FAM184B: variants seen among roughly 807,000 people sequenced by gnomAD.
FAM184B encodes the protein protein FAM184B.
A neutral mutation model predicts 135.9 loss-of-function variants in FAM184B; 111 were observed. The observed-to-expected ratio is 0.82, with a 90% confidence interval of 0.70 to 0.96. FAM184B has a LOEUF of 0.96. FAM184B is among the 40% of genes least tolerant of loss of function. The pLI, the probability that FAM184B is intolerant of heterozygous loss-of-function variation, is 0.00. For synonymous variants in FAM184B, 552 were observed against 524.8 expected, an observed-to-expected ratio of 1.05 and a Z score of -0.71; for missense variants, 1,375 against 1,323.9, an observed-to-expected ratio of 1.04 and a Z score of -0.60.
chr4:17,636,420 A>C, intron 15 of FAM184B, 108 bp downstream of exon 15: 1 of 848,546 alleles, frequency 1.2e-6, no homozygotes, highest in Non-Finnish European at 1.9e-6. Flanking sequence ...ATTCTTTGTA[A>C]GATATTAGGG....
At chr4:17,777,493 T>TA (rs576081967) in intron 1 of FAM184B, among the ~76,000 whole-genome samples, 22 of 152,138 alleles carry the variant, frequency 1.4e-4, no homozygotes, top group African/African-American at 4.3e-4. Context: ...CTGTAAATAT[T>TA]AAAAAAACTG....
intron 1 of FAM184B, among the ~76,000 whole-genome samples, chr4:17,750,393 A>G (rs550509777): frequency 6.6e-6 from 1 of 152,372 alleles, no homozygotes; most frequent in East Asian, 1.9e-4. Flanking sequence ...TACGCAAAAA[A>G]TGAACTAAAA....
At chr4:17,777,016 C>T (rs1718941121) in intron 1 of FAM184B, among the ~76,000 whole-genome samples, 1 of 152,182 alleles carries the variant, frequency 6.6e-6, no homozygotes, top group Non-Finnish European at 1.5e-5. Flanking sequence ...GAATTCTGCT[C>T]CTAGGTATCT....
At chr4:17,729,820 CAG>C (rs535456837) in intron 1 of FAM184B, among the ~76,000 whole-genome samples, 206 of 152,322 alleles carry the variant, frequency 1.4e-3, no homozygotes, top group African/African-American at 4.7e-3. Flanking sequence ...GGGGAAAAAA[CAG>C]AGCAGAAAAA....
At chr4:17,737,328 A>C (rs1026397679) in intron 1 of FAM184B, among the ~76,000 whole-genome samples, 6 of 152,098 alleles carry the variant, frequency 3.9e-5, no homozygotes, top group Non-Finnish European at 8.8e-5. Flanking sequence ...ATTAGGCAGA[A>C]CTGAATCTAG....
chr4:17,700,031 C>G (rs1263700069), intron 5 of FAM184B, among the ~76,000 whole-genome samples: 1 of 152,054 alleles, frequency 6.6e-6, no homozygotes, highest in Non-Finnish European at 1.5e-5. Flanking sequence ...CTACAGTAAC[C>G]ACTAGCTCTC....
rs61539641 is a variant in FAM184B, at chr4:17,721,383, C to CAAAAAAAAAAAAAAAAAAAAAAAAAAAA, written c.142-11740_142-11739insTTTTTTTTTTTTTTTTTTTTTTTTTTTT. On this transcript the variant is annotated intron_variant, in intron 1 of 17. Coordinates refer to ENST00000265018, the MANE Select transcript of FAM184B (RefSeq NM_015688.2). ...TGGGCGACAGAGAAAGATTCTGTCT[C>CAAAAAAAAAAAAAAAAAAAAAAAAAAAA]AAAAAAAAAAAAAAAAAAAAAAATC... Among the ~76,000 whole-genome samples the CAAAAAAAAAAAAAAAAAAAAAAAAAAAA allele has an allele frequency of 1.1e-4, 5 of 47,382 alleles. 1 individual carries two copies. The highest frequency in any genetic ancestry group is 1.6e-4 in the Non-Finnish European group (4 of 25,024). 31.1% of individuals were successfully genotyped at this position (47,382 alleles called of 152,430 possible). A position where few individuals can be genotyped will look rare whatever the true frequency, so the allele number is the denominator to read the frequency against.
At chr4:17,767,178 C>G (rs896442888) in intron 1 of FAM184B, among the ~76,000 whole-genome samples, 2 of 152,174 alleles carry the variant, frequency 1.3e-5, no homozygotes, top group African/African-American at 4.8e-5. Context: ...GGTTCCCGCC[C>G]GTGCCTCTCC....
chr4:17,634,360 G>C (rs1475147385), intron 16 of FAM184B, among the ~76,000 whole-genome samples: 1 of 152,158 alleles, frequency 6.6e-6, no homozygotes, highest in East Asian at 1.9e-4. Flanking sequence ...GCCTTGCTCT[G>C]TCACCCAAGC....
chr4:17,664,062 C>T (rs769777488), intron 8 of FAM184B, among the ~76,000 whole-genome samples: 3 of 152,100 alleles, frequency 2.0e-5, no homozygotes, highest in Admixed American at 1.3e-4. Flanking sequence ...TTCTTTATAG[C>T]GGTGTGGAAA....
At chr4:17,652,281 C>T (rs550287429) in intron 11 of FAM184B, among the ~76,000 whole-genome samples, 101 of 152,042 alleles carry the variant, frequency 6.6e-4, no homozygotes, top group Admixed American at 1.6e-3. Flanking sequence ...CCTGCCACCA[C>T]GCCCGGCTAA....
intron 1 of FAM184B, among the ~76,000 whole-genome samples, chr4:17,738,357 G>C (rs1022058985): frequency 6.6e-6 from 1 of 152,092 alleles, no homozygotes; most frequent in African/African-American, 2.4e-5. Flanking sequence ...GAGTTGGAGA[G>C]AGAGTTAAAG....
intron 1 of FAM184B, among the ~76,000 whole-genome samples, chr4:17,765,631 C>T (rs1394924585): frequency 1.3e-5 from 2 of 152,154 alleles, no homozygotes; most frequent in Non-Finnish European, 2.9e-5. Context: ...AACTTTTCAC[C>T]CTCTCTCTGC....
chr4:17,691,975 C>T (rs1331153990), intron 6 of FAM184B, among the ~76,000 whole-genome samples: 1 of 151,902 alleles, frequency 6.6e-6, no homozygotes, highest in African/African-American at 2.4e-5. Context: ...ATCGCTTGAA[C>T]CCGGGAGGCG....
intron 7 of FAM184B, among the ~76,000 whole-genome samples, chr4:17,670,390 A>G (rs1716142474): frequency 6.6e-6 from 1 of 152,220 alleles, no homozygotes; most frequent in South Asian, 2.1e-4. Context: ...AAAGGGGAGA[A>G]AAAACTTAAA....
At chr4:17,758,960 A>G (rs1268215742) in intron 1 of FAM184B, among the ~76,000 whole-genome samples, 1 of 152,186 alleles carries the variant, frequency 6.6e-6, no homozygotes, top group Non-Finnish European at 1.5e-5. Context: ...TCTTTTGGCC[A>G]GTTCAGAACT....
At chr4:17,703,166 A>G (rs774517280) in intron 5 of FAM184B, among the ~76,000 whole-genome samples, 6 of 152,206 alleles carry the variant, frequency 3.9e-5, no homozygotes, top group African/African-American at 9.6e-5. Context: ...TCATGAAATA[A>G]TATTATCACA....
intron 1 of FAM184B, among the ~76,000 whole-genome samples, chr4:17,752,586 T>C (rs921021379): frequency 1.3e-5 from 2 of 152,140 alleles, no homozygotes; most frequent in African/African-American, 4.8e-5. Context: ...TTGCTGCATT[T>C]CATGGACCGT....
intron 1 of FAM184B, among the ~76,000 whole-genome samples, chr4:17,719,681 T>C (rs750423193): frequency 6.6e-6 from 1 of 152,198 alleles, no homozygotes; most frequent in Non-Finnish European, 1.5e-5. Flanking sequence ...ACAAAAATCT[T>C]TATTTTAACC....
Sources: allele counts gnomAD v4.1 joint callset (sites outside exome capture counted in the v4.1 genomes callset), GRCh38; gene constraint gnomAD v4.1.1; transcripts MANE v1.5; gene names NCBI Gene and HGNC (gene_info 2026-07-23, HGNC 2026-07-21).